Variants in LY96 observed in about 807,000 individuals in gnomAD.
LY96 encodes the protein lymphocyte antigen 96.
A neutral mutation model predicts 18.9 loss-of-function variants in LY96; 18 were observed. The ratio of observed to expected loss-of-function variants is 0.95; its 90% CI spans 0.66 to 1.41. The LOEUF (loss-of-function observed/expected upper bound fraction) is 1.41, where lower values mean the gene tolerates loss of function less well. Ranked by LOEUF, LY96 falls within the 40% of genes most tolerant of loss-of-function variation. The pLI, the probability that LY96 is intolerant of heterozygous loss-of-function variation, is 0.00. For missense variants in LY96, 175 were observed against 182.4 expected (o/e 0.96, Z 0.23); for synonymous variants, 66 against 62.6 (o/e 1.06, Z -0.26).
intron 2 of LY96, among the ~76,000 whole-genome samples, chr8:74,007,196 T>C (rs1816431938): frequency 1.3e-5 from 2 of 152,136 alleles, no homozygotes; most frequent in Non-Finnish European, 2.9e-5. Flanking sequence ...TGGATCATTA[T>C]AGGAGCAGCC....
At chr8:73,995,458 C>CA (rs1816107134) in intron 1 of LY96, among the ~76,000 whole-genome samples, 1 of 152,208 alleles carries the variant, frequency 6.6e-6, no homozygotes, top group Non-Finnish European at 1.5e-5. Flanking sequence ...CCCATCCTAA[C>CA]AGCCTCATTT....
At chr8:74,040,025 C>A in the LY96 span, among the ~76,000 whole-genome samples, 1 of 152,178 alleles carries the variant, frequency 6.6e-6, no homozygotes, top group Non-Finnish European at 1.5e-5. Context: ...ACCGCTTGAC[C>A]AAGGAGCCCT....
chr8:74,068,083 A>ATATATATATAGATATATAT, the LY96 span, among the ~76,000 whole-genome samples: 1 of 95,820 alleles, frequency 1.0e-5, no homozygotes, highest in African/African-American at 7.1e-5. Flanking sequence ...AAAAAAAAAA[A>ATATATATATAGATATATAT]AAAAAAATAT....
intron 3 of LY96, among the ~76,000 whole-genome samples, chr8:74,023,388 G>A (rs1238826848): frequency 6.6e-6 from 1 of 152,268 alleles, no homozygotes; most frequent in African/African-American, 2.4e-5. Context: ...AACAGGTAGT[G>A]TGTGGAGGTA....
At chr8:74,099,599 C>G in the LY96 span, 2 of 152,206 alleles carry the variant, frequency 1.3e-5, no homozygotes, top group African/African-American at 2.4e-5. Context: ...TTTTTGTACA[C>G]AGGACCCATG....
the LY96 span, among the ~76,000 whole-genome samples, chr8:74,041,606 T>C: frequency 5.3e-5 from 8 of 152,174 alleles, no homozygotes; most frequent in Non-Finnish European, 8.8e-5. Flanking sequence ...GGGAAGTCTA[T>C]AAACGGCCGC....
intron 3 of LY96, among the ~76,000 whole-genome samples, chr8:74,017,162 T>C (rs1479381434): frequency 6.6e-6 from 1 of 152,112 alleles, no homozygotes; most frequent in Non-Finnish European, 1.5e-5. Context: ...TGAAAAAGGA[T>C]TGGATGAATG....
chr8:74,022,581 C>CTTTT (rs769379029), intron 3 of LY96, among the ~76,000 whole-genome samples: 6 of 133,146 alleles, frequency 4.5e-5, no homozygotes, highest in Admixed American at 1.5e-4. Flanking sequence ...TTCTTTTTTT[C>CTTTT]TTTTTTTTTT....
chr8:74,038,907 A>G, the LY96 span, among the ~76,000 whole-genome samples: 7 of 152,096 alleles, frequency 4.6e-5, no homozygotes, highest in African/African-American at 1.4e-4. Context: ...CAGTAGCTCT[A>G]TTTTTAGTTT....
chr8:74,000,540 G>A (rs963744703), intron 1 of LY96, among the ~76,000 whole-genome samples: 1 of 152,140 alleles, frequency 6.6e-6, no homozygotes, highest in Non-Finnish European at 1.5e-5. Flanking sequence ...GCCCGCATCA[G>A]AATTGCCCTT....
intron 3 of LY96, among the ~76,000 whole-genome samples, chr8:74,016,986 G>A (rs1455073437): frequency 6.6e-6 from 1 of 152,218 alleles, no homozygotes; most frequent in Non-Finnish European, 1.5e-5. Context: ...AAAAACCAGA[G>A]TGTCTCTTCT....
At chr8:74,075,027 A>C in the LY96 span, among the ~76,000 whole-genome samples, 2 of 152,156 alleles carry the variant, frequency 1.3e-5, no homozygotes, top group African/African-American at 2.4e-5. Flanking sequence ...GATTAAGTCT[A>C]ATGTTTCTGT....
intron 1 of LY96, among the ~76,000 whole-genome samples, chr8:73,996,563 ATG>A (rs1175784256): frequency 6.6e-6 from 1 of 151,822 alleles, no homozygotes; most frequent in Admixed American, 6.6e-5. Context: ...GACTACAGCC[ATG>A]CATCACCATG....
intron 3 of LY96, among the ~76,000 whole-genome samples, chr8:74,025,079 G>C (rs1374184906): frequency 3.3e-5 from 5 of 152,094 alleles, no homozygotes; most frequent in Admixed American, 3.3e-4. Context: ...TACCCTCTTT[G>C]GCCTCCCAAA....
At chr8:74,080,746 C>T in the LY96 span, among the ~76,000 whole-genome samples, 3 of 152,172 alleles carry the variant, frequency 2.0e-5, no homozygotes, top group Admixed American at 6.5e-5. Flanking sequence ...TCCCAGCAGG[C>T]GGTACAGAGG....
the LY96 span, among the ~76,000 whole-genome samples, chr8:74,070,785 A>G: frequency 6.6e-6 from 1 of 152,202 alleles, no homozygotes; most frequent in African/African-American, 2.4e-5. Flanking sequence ...ATGGCACTAG[A>G]GACCAAAATC....
chr8:74,060,002 G>T, the LY96 span, among the ~76,000 whole-genome samples: 1 of 152,124 alleles, frequency 6.6e-6, no homozygotes, highest in South Asian at 2.1e-4. Context: ...AGCTGTGCGT[G>T]GTGGTGTGCA....
chr8:74,041,608 A>G, the LY96 span, among the ~76,000 whole-genome samples: 1 of 152,088 alleles, frequency 6.6e-6, no homozygotes, highest in Non-Finnish European at 1.5e-5. Context: ...GAAGTCTATA[A>G]ACGGCCGCTC....
chr8:74,027,108 T>C (rs1816887335), intron 4 of LY96, among the ~76,000 whole-genome samples: 1 of 151,912 alleles, frequency 6.6e-6, no homozygotes, highest in African/African-American at 2.4e-5. Context: ...CCAGCTAATG[T>C]TTTGTACTTT....
Sources: allele counts gnomAD v4.1 joint callset (sites outside exome capture counted in the v4.1 genomes callset), GRCh38; gene constraint gnomAD v4.1.1; transcripts MANE v1.5; gene names NCBI Gene and HGNC (gene_info 2026-07-23, HGNC 2026-07-21).